The following ROBO2 variants were observed in gnomAD, a reference collection of about 807,000 sequenced individuals.
ROBO2 encodes the protein roundabout homolog 2.
ROBO2 carries 53 observed loss-of-function variants against 160.8 expected under a neutral mutation model. That is an observed-to-expected ratio of 0.33 (90% CI 0.26 to 0.41). ROBO2 has a LOEUF of 0.41. ROBO2 is among the 10% of genes least tolerant of loss of function. The pLI is 1.00. For synonymous variants in ROBO2, 664 were observed against 611.7 expected (o/e 1.09, Z -1.26); for missense variants, 1,577 against 1,722.4 (o/e 0.92, Z 1.49).
chr3:76,404,757 TGAGGGAAAGAATCCAA>T (rs909779495), intron 2 of ROBO2, among the ~76,000 whole-genome samples: 2 of 150,436 alleles, frequency 1.3e-5, no homozygotes, highest in African/African-American at 4.9e-5. Context: ...CATTGAAGAG[TGAGGGAAAGAATCCAA>T]GACAGTGCTA....
At chr3:76,492,135 A>C (rs1368886983) in intron 2 of ROBO2, among the ~76,000 whole-genome samples, 1 of 152,078 alleles carries the variant, frequency 6.6e-6, no homozygotes, top group Non-Finnish European at 1.5e-5. Flanking sequence ...ACAAAAAAAA[A>C]CACCCCCAAA....
At chr3:76,408,901 C>T (rs900223449) in intron 2 of ROBO2, among the ~76,000 whole-genome samples, 1 of 151,992 alleles carries the variant, frequency 6.6e-6, no homozygotes, top group Non-Finnish European at 1.5e-5. Flanking sequence ...ACTGAAGTCA[C>T]TAGCTATTCA....
chr3:75,932,582 C>T (rs1576191266), intron 1 of ROBO2, among the ~76,000 whole-genome samples: 1 of 152,158 alleles, frequency 6.6e-6, no homozygotes, highest in Non-Finnish European at 1.5e-5. Flanking sequence ...AGAAGCAGAA[C>T]GTTTATGCAC....
At chr3:76,756,384 A>T (rs1324896431) in intron 2 of ROBO2, among the ~76,000 whole-genome samples, 1 of 151,912 alleles carries the variant, frequency 6.6e-6, no homozygotes, top group Non-Finnish European at 1.5e-5. Context: ...TTGGGAATTT[A>T]AAAAAGTAAC....
At chr3:77,219,454 A>ATATATATATATATATATATG (rs2085450858) in intron 2 of ROBO2, among the ~76,000 whole-genome samples, 2 of 131,068 alleles carry the variant, frequency 1.5e-5, no homozygotes, top group Non-Finnish European at 3.3e-5. Flanking sequence ...ATATATATAT[A>ATATATATATATATATATATG]TATATGTATC....
chr3:77,259,117 A>G (rs1296780356), intron 2 of ROBO2, among the ~76,000 whole-genome samples: 1 of 152,132 alleles, frequency 6.6e-6, no homozygotes, highest in African/African-American at 2.4e-5. Flanking sequence ...TTCACATCCA[A>G]TTTAACGACT....
intron 2 of ROBO2, among the ~76,000 whole-genome samples, chr3:76,646,144 A>G (rs931394189): frequency 6.6e-6 from 1 of 152,136 alleles, no homozygotes. Context: ...GCTAAGTTTT[A>G]TATCAGGTTA....
At chr3:76,524,852 A>C (rs2081852204) in intron 2 of ROBO2, among the ~76,000 whole-genome samples, 1 of 146,348 alleles carries the variant, frequency 6.8e-6, no homozygotes, top group African/African-American at 2.5e-5. Flanking sequence ...AAAAAAAAAA[A>C]AAAAAAAAAA....
At chr3:76,680,090 T>C (rs537601447) in intron 2 of ROBO2, among the ~76,000 whole-genome samples, 1 of 152,120 alleles carries the variant, frequency 6.6e-6, no homozygotes, top group Non-Finnish European at 1.5e-5. Context: ...TGATTAGAAA[T>C]CTTAAATTCA....
At chr3:76,372,159 A>G (rs1050495062) in intron 2 of ROBO2, among the ~76,000 whole-genome samples, 4 of 151,956 alleles carry the variant, frequency 2.6e-5, no homozygotes, top group African/African-American at 9.7e-5. Flanking sequence ...GTTACTTTAT[A>G]CATTAAGAAT....
At chr3:77,609,502 G>A (rs1047570084) in intron 21 of ROBO2, among the ~76,000 whole-genome samples, 1 of 151,868 alleles carries the variant, frequency 6.6e-6, no homozygotes, top group African/African-American at 2.4e-5. Flanking sequence ...ATAAAGTCTT[G>A]AACTCATATC....
intron 1 of ROBO2, among the ~76,000 whole-genome samples, chr3:75,918,467 C>T (rs193154587): frequency 6.6e-6 from 1 of 152,230 alleles, no homozygotes; most frequent in Non-Finnish European, 1.5e-5. Context: ...CAGGCAGCGT[C>T]ATGCCTCCAG....
At chr3:76,412,950 A>G (rs1577035494) in intron 2 of ROBO2, among the ~76,000 whole-genome samples, 1 of 152,166 alleles carries the variant, frequency 6.6e-6, no homozygotes, top group Non-Finnish European at 1.5e-5. Context: ...GAGGTTCTCC[A>G]TGAGGGCCCC....
chr3:76,322,265 A>G (rs2072624660), intron 2 of ROBO2, among the ~76,000 whole-genome samples: 1 of 150,064 alleles, frequency 6.7e-6, no homozygotes. Flanking sequence ...AAATTAGTAT[A>G]TAAATCTATC....
intron 2 of ROBO2, among the ~76,000 whole-genome samples, chr3:76,493,120 C>G (rs891563552): frequency 6.6e-6 from 1 of 151,682 alleles, no homozygotes. Flanking sequence ...TTGTGGCTGT[C>G]TCAATATTTA....
chr3:77,297,525 C>T (rs1021345314), intron 2 of ROBO2, among the ~76,000 whole-genome samples: 1 of 152,082 alleles, frequency 6.6e-6, no homozygotes, highest in African/African-American at 2.4e-5. Flanking sequence ...AGGAAACTCC[C>T]TCCGGAATGC....
chr3:76,123,855 A>G (rs10212598), intron 2 of ROBO2, among the ~76,000 whole-genome samples: 13,129 of 151,996 alleles, frequency 0.086, 907 homozygotes, highest in East Asian at 0.38. Flanking sequence ...GAGGTGATGT[A>G]TGTTTCCCAG....
At chr3:76,591,390 A>G (rs2086408282) in intron 2 of ROBO2, among the ~76,000 whole-genome samples, 2 of 152,256 alleles carry the variant, frequency 1.3e-5, no homozygotes, top group South Asian at 4.1e-4. Flanking sequence ...GGGCCTATGT[A>G]GTTCAGACCT....
At chr3:77,009,227 T>G (rs1578219188) in intron 2 of ROBO2, among the ~76,000 whole-genome samples, 1 of 152,328 alleles carries the variant, frequency 6.6e-6, no homozygotes, top group East Asian at 1.9e-4. Context: ...GACTGATAAT[T>G]CAGTTTGTGA....
Sources: allele counts gnomAD v4.1 joint callset (sites outside exome capture counted in the v4.1 genomes callset), GRCh38; gene constraint gnomAD v4.1.1; transcripts MANE v1.5; gene names NCBI Gene and HGNC (gene_info 2026-07-23, HGNC 2026-07-21).